Variants in HAVCR1 observed in about 807,000 individuals in gnomAD.
HAVCR1 encodes hepatitis A virus cellular receptor 1.
A neutral mutation model predicts 32.0 loss-of-function variants in HAVCR1; 34 were observed. The ratio of observed to expected loss-of-function variants is 1.06; its 90% CI spans 0.81 to 1.42. The LOEUF (loss-of-function observed/expected upper bound fraction) is 1.42, where lower values mean the gene tolerates loss of function less well. HAVCR1 is among the 40% of genes most tolerant of loss of function. The pLI is 0.00. For synonymous variants in HAVCR1, 178 were observed against 170.3 expected, an observed-to-expected ratio of 1.05 and a Z score of -0.35; for missense variants, 420 against 442.3, an observed-to-expected ratio of 0.95 and a Z score of 0.45.
At chr5:157,068,478 T>A in the HAVCR1 span, among the ~76,000 whole-genome samples, 1 of 151,936 alleles carries the variant, frequency 6.6e-6, no homozygotes, top group East Asian at 1.9e-4. Flanking sequence ...TCCCAGCTAC[T>A]CAGGAGGCTG....
chr5:157,044,403 AG>A (rs1161146910), intron 5 of HAVCR1, among the ~76,000 whole-genome samples: 1 of 42,878 alleles, frequency 2.3e-5, no homozygotes. Context: ...GAAGGAAGGA[AG>A]GAAGGAAGGA....
chr5:157,057,407 G>GAAAGA (rs1294821606), intron 2 of HAVCR1, among the ~76,000 whole-genome samples: 1 of 97,662 alleles, frequency 1.0e-5, no homozygotes, highest in Non-Finnish European at 2.4e-5. Flanking sequence ...AAGAAAGAAA[G>GAAAGA]AAAGAAAGAA....
At chr5:157,042,741 G>A (rs2113542197) in intron 5 of HAVCR1, 59 bp from the exon 6 acceptor site, 1 of 994,726 alleles carries the variant, frequency 1.0e-6, no homozygotes. Context: ...TTTCACTGCA[G>A]ACACTAAATA....
Position 157,029,561 on chromosome 5 carries a change from TAC to T in HAVCR1, c.*170_*171del, listed in dbSNP as rs1260607158. 4.0e-6 allele frequency: 6 copies of T among 1,512,318 alleles called. No individual in the cohort carries two copies. The Admixed American group carries it at 7.8e-5, about 20-fold the overall frequency. 93.7% of individuals were successfully genotyped at this position (1,512,318 alleles called of 1,614,324 possible). On this transcript the variant is annotated 3_prime_UTR_variant, in exon 9 of 9. Coordinates refer to ENST00000523175, the MANE Select transcript of HAVCR1 (RefSeq NM_001173393.3). Reference sequence around the variant, plus strand: ...ACTACATTAATGATGAGGTTGACTATACACAGTTTGGAGTGAGAGAGTTACTC... The same window carrying T: ...ACTACATTAATGATGAGGTTGACTATACAGTTTGGAGTGAGAGAGTTACTC...
chr5:157,055,404 T>C lies in HAVCR1; in HGVS notation c.176A>G (p.Asn59Ser). 1 of 1,612,634 alleles carries C rather than the reference T, an allele frequency of 6.2e-7. No homozygotes were observed. The change falls in exon 3 of 9, where the codon AAT becomes AGT. Residue 59 changes from asparagine (N) to serine (S), a missense_variant. Coordinates refer to ENST00000523175, the MANE Select transcript of HAVCR1 (RefSeq NM_001173393.3). ...RGSCSLFTCQ[N>S]GIVWTNGTHV... is the part of the protein sequence containing the mutation. ...GGTTCCATTGGTCCAGACAATGCCA[T>C]TTTGGCATGTGAATAGAGAACATGA...
At chr5:157,038,950 G>A (rs1213158965) in intron 6 of HAVCR1, among the ~76,000 whole-genome samples, 2 of 152,084 alleles carry the variant, frequency 1.3e-5, no homozygotes, top group Non-Finnish European at 2.9e-5. Flanking sequence ...GTGAGACCCT[G>A]TCTCCAGAAA....
At chr5:157,047,923 C>T (rs113287395) in intron 5 of HAVCR1, among the ~76,000 whole-genome samples, 50 of 152,226 alleles carry the variant, frequency 3.3e-4, no homozygotes, top group African/African-American at 1.2e-3. Context: ...ATGACCCTCT[C>T]TCCGGGTAGA....
chr5:157,061,568 G>A (rs774496162), upstream of HAVCR1, among the ~76,000 whole-genome samples: 3 of 152,004 alleles, frequency 2.0e-5, no homozygotes, highest in Non-Finnish European at 4.4e-5. Flanking sequence ...TTAGCCAGGC[G>A]TGGTGGCGGG....
Position 157,029,627 on chromosome 5 carries a change from CTG to C in HAVCR1, c.*104_*105del. The C allele has an allele frequency of 6.4e-7, 1 of 1,559,370 alleles. No individual in the cohort carries two copies. Among genetic ancestry groups the C allele is most frequent in the East Asian group, 2.4e-5 (1 of 42,534 alleles). On this transcript the variant is annotated 3_prime_UTR_variant, in exon 9 of 9. Coordinates refer to ENST00000523175, the MANE Select transcript of HAVCR1 (RefSeq NM_001173393.3). Reference sequence around the variant, plus strand: ...TGACATGTTGGAATGCCAGATGAAACTGAAACAGAAAAATTGTCTTGGGGTCT... The same window carrying C: ...TGACATGTTGGAATGCCAGATGAAACAAACAGAAAAATTGTCTTGGGGTCT...
At chr5:157,037,613 A>T (rs1754614717) in intron 6 of HAVCR1, among the ~76,000 whole-genome samples, 1 of 152,252 alleles carries the variant, frequency 6.6e-6, no homozygotes, top group Non-Finnish European at 1.5e-5. Context: ...ACATAGGTGT[A>T]CACATTTGTC....
intron 5 of HAVCR1, among the ~76,000 whole-genome samples, chr5:157,044,676 A>AGAAAGGAAGGAG (rs142603344): frequency 9.1e-6 from 1 of 109,452 alleles, no homozygotes; most frequent in African/African-American, 3.1e-5. Context: ...AAAGAAAGAA[A>AGAAAGGAAGGAG]GGAGGGAGGG....
At chr5:157,035,059 A>G (rs1422106401) in intron 7 of HAVCR1, among the ~76,000 whole-genome samples, 1 of 152,134 alleles carries the variant, frequency 6.6e-6, no homozygotes, top group Non-Finnish European at 1.5e-5. Context: ...AAAAAAAAAG[A>G]AAGAAAAGGG....
chr5:157,047,344 G>A (rs1485712338), intron 5 of HAVCR1, among the ~76,000 whole-genome samples: 1 of 152,122 alleles, frequency 6.6e-6, no homozygotes, highest in African/African-American at 2.4e-5. Flanking sequence ...CTGAGGTCAG[G>A]AGTTCAAGAC....
intron 1 of HAVCR1, 44 bp from the exon 2 acceptor site, chr5:157,057,999 G>A (rs1168489741): frequency 5.4e-6 from 7 of 1,299,134 alleles, no homozygotes; most frequent in Admixed American, 1.7e-5. Flanking sequence ...CCCTCCACCA[G>A]ATGGTATCTG....
the HAVCR1 span, among the ~76,000 whole-genome samples, chr5:157,067,957 C>T: frequency 6.6e-6 from 1 of 151,080 alleles, no homozygotes; most frequent in African/African-American, 2.4e-5. Context: ...GGATTACAGG[C>T]GTGAGCCACC....
chr5:157,040,366 A>T (rs1269897551), intron 6 of HAVCR1, among the ~76,000 whole-genome samples: 1 of 152,280 alleles, frequency 6.6e-6, no homozygotes, highest in African/African-American at 2.4e-5. Flanking sequence ...ATCCAGCACA[A>T]ATCTAGCCAC....
At chr5:157,055,898 T>G (rs886065503) in intron 2 of HAVCR1, among the ~76,000 whole-genome samples, 11 of 152,152 alleles carry the variant, frequency 7.2e-5, no homozygotes, top group African/African-American at 2.2e-4. Flanking sequence ...TTAATTTTTT[T>G]TACTTGTTTT....
At chr5:157,033,019 C>A in intron 7 of HAVCR1, 132 bp from the exon 8 acceptor site, 1 of 592,558 alleles carries the variant, frequency 1.7e-6, no homozygotes, top group South Asian at 2.4e-5. Context: ...CTTGAGGTGT[C>A]TCCTTCCCAT....
chr5:157,057,413 A>AAGAG lies in HAVCR1; in HGVS notation c.46+484_46+485insCTCT, dbSNP rs1156732576. Among the ~76,000 whole-genome samples the AAGAG allele has an allele frequency of 1.1e-3, 147 of 135,082 alleles. 2 individuals carry two copies. The highest frequency in any genetic ancestry group is 3.6e-3 in the African/African-American group (135 of 37,376). The allele number at this position is 135,082 out of a possible 152,430, so 88.6% of individuals were successfully genotyped here. Reference sequence around the variant, plus strand: ...AAAGAAAGAAAGAAAGAAAGAAAGAAAGAAAGAAAGAAAGAAAGAAAGAAA... The same window carrying AAGAG: ...AAAGAAAGAAAGAAAGAAAGAAAGAAAGAGAGAAAGAAAGAAAGAAAGAAAGAAA... On this transcript the variant is annotated intron_variant, in intron 2 of 8. Transcript: ENST00000523175.
Sources: allele counts gnomAD v4.1 joint callset (sites outside exome capture counted in the v4.1 genomes callset), GRCh38; gene constraint gnomAD v4.1.1; transcripts MANE v1.5; gene names NCBI Gene and HGNC (gene_info 2026-07-23, HGNC 2026-07-21).